The following ITPKB variants were observed in gnomAD, a reference collection of about 807,000 sequenced individuals.
The protein encoded by ITPKB is inositol-trisphosphate 3-kinase B, also known as IP3 3-kinase B.
ITPKB carries 13 observed loss-of-function variants against 69.4 expected under a neutral mutation model. The observed-to-expected ratio is 0.19, with a 90% CI of 0.12 to 0.30. ITPKB has a LOEUF of 0.30. Ranked by LOEUF, ITPKB falls within the 10% of genes least tolerant of loss-of-function variation. The pLI is 1.00. For synonymous variants in ITPKB, 584 were observed against 513.7 expected, an observed-to-expected ratio of 1.14 and a Z score of -1.85; for missense variants, 1,240 against 1,250.5, an observed-to-expected ratio of 0.99 and a Z score of 0.13.
intron 2 of ITPKB, among the ~76,000 whole-genome samples, chr1:226,649,321 G>A (rs1571839091): frequency 6.6e-6 from 1 of 150,842 alleles, no homozygotes; most frequent in East Asian, 2.0e-4. Context: ...GCATATGTGT[G>A]CATGAGTGTG....
rs1657284353 is a variant in ITPKB at position 226,722,832 on chromosome 1, T to C, written c.1932+12695A>G. On this transcript the variant is annotated intron_variant, in intron 2 of 7. Transcript: ENST00000429204. ...CTGCACATTCAGAGCCTGGAAGCTCTGTACAGATGCCTAATGGGTCCTGGG... is the reference window on the plus strand; with the variant it reads ...CTGCACATTCAGAGCCTGGAAGCTCCGTACAGATGCCTAATGGGTCCTGGG... Among the ~76,000 whole-genome samples, 7 of 151,292 alleles carry C rather than the reference T, an allele frequency of 4.6e-5. No individual in the cohort carries two copies. The Admixed American group carries it at 4.6e-4, about 10-fold the overall frequency.
intron 2 of ITPKB, among the ~76,000 whole-genome samples, chr1:226,649,850 AAAC>A (rs1233161910): frequency 6.9e-6 from 1 of 144,274 alleles, no homozygotes; most frequent in Non-Finnish European, 1.5e-5. Flanking sequence ...CAAAACAAAA[AAAC>A]AAAAAAAAAA....
intron 2 of ITPKB, among the ~76,000 whole-genome samples, chr1:226,688,209 C>T (rs1168198259): frequency 2.0e-5 from 3 of 152,212 alleles, no homozygotes; most frequent in Non-Finnish European, 4.4e-5. Flanking sequence ...GAGATCCCTG[C>T]AGCCCTGGAG....
chr1:226,706,321 C>T (rs1010463336), intron 2 of ITPKB, among the ~76,000 whole-genome samples: 2 of 152,314 alleles, frequency 1.3e-5, no homozygotes, highest in South Asian at 4.1e-4. Flanking sequence ...TGGTTTCCTC[C>T]AAGTTAAGTA....
chr1:226,731,475 C>A (rs1017125675), intron 2 of ITPKB, among the ~76,000 whole-genome samples: 2 of 152,188 alleles, frequency 1.3e-5, no homozygotes, highest in Admixed American at 6.5e-5. Flanking sequence ...GAAACCCACA[C>A]CTAAGAAGTC....
intron 2 of ITPKB, among the ~76,000 whole-genome samples, chr1:226,671,126 G>T: frequency 6.6e-6 from 1 of 152,182 alleles, no homozygotes; most frequent in South Asian, 2.1e-4. Flanking sequence ...ACTGAAAACT[G>T]TTCCCTGAAT....
chr1:226,673,546 C>T (rs1365325318), intron 2 of ITPKB, among the ~76,000 whole-genome samples: 1 of 152,150 alleles, frequency 6.6e-6, no homozygotes, highest in Admixed American at 6.5e-5. Flanking sequence ...TCCCAACCTG[C>T]AGCCAAAAAG....
In ITPKB at chr1:226,735,293, T is replaced by C. The variant is rs563062565; in HGVS notation, c.1932+234A>G. On this transcript the variant is annotated intron_variant, in intron 2 of 7. Transcript: ENST00000429204. ...CTTTTAAAACTTGTTTTTTAAGATA[T>C]GCATGGAAATAGTAGAAAGACTCAG... Among the ~76,000 whole-genome samples the C allele has an allele frequency of 1.8e-3, 272 of 152,328 alleles. 1 individual carries two copies. Among genetic ancestry groups the C allele is most frequent in the Non-Finnish European group, 3.3e-3 (222 of 68,030 alleles).
chr1:226,703,594 C>T (rs1295708376), intron 2 of ITPKB, among the ~76,000 whole-genome samples: 1 of 152,204 alleles, frequency 6.6e-6, no homozygotes, highest in Non-Finnish European at 1.5e-5. Flanking sequence ...CCGGCATGCT[C>T]GGCGGCGGTG....
chr1:226,696,698 G>A (rs897961221), intron 2 of ITPKB, among the ~76,000 whole-genome samples: 7 of 152,114 alleles, frequency 4.6e-5, no homozygotes, highest in African/African-American at 1.7e-4. Context: ...ATACGCACAC[G>A]CGCACACACA....
Position 226,634,713 on chromosome 1 carries a change from G to C in ITPKB, c.2799C>G (p.Val933=). 1 of 970,618 alleles carries C rather than the reference G, an allele frequency of 1.0e-6. No individual in the cohort carries two copies. Among genetic ancestry groups the C allele is most frequent in the Non-Finnish European group, 1.7e-6 (1 of 592,132 alleles). 60.1% of individuals were successfully genotyped at this position (970,618 alleles called of 1,614,324 possible). A position where few individuals can be genotyped will look rare whatever the true frequency, so the allele number is the denominator to read the frequency against. The change falls in exon 8 of 8, where the codon GTC becomes GTG. Residue 933 remains valine (V), a synonymous_variant. Transcript: ENST00000429204. This position sits in a 1 kb window ranked among gnomAD's most constrained non-coding sequence, Gnocchi z 6.3. The part of the protein sequence containing the change: ...DGYLSGLNNL[V]DILTEMSQDA... ...CCTGGGACATCTCGGTCAGGATGTCGACGAGGTTATTGAGCCCCGAGAGGT... is the reference window on the plus strand; with the variant it reads ...CCTGGGACATCTCGGTCAGGATGTCCACGAGGTTATTGAGCCCCGAGAGGT...
intron 2 of ITPKB, among the ~76,000 whole-genome samples, chr1:226,717,418 A>G (rs904955411): frequency 1.3e-5 from 2 of 152,144 alleles, no homozygotes; most frequent in African/African-American, 2.4e-5. Flanking sequence ...CAGCATGACT[A>G]TGTTGCAAAA....
intron 1 of ITPKB, 40 bp downstream of exon 1, chr1:226,739,001 T>C (rs1446260040): frequency 1.3e-5 from 2 of 152,206 alleles, no homozygotes; most frequent in African/African-American, 4.8e-5. Context: ...AAAAGAGGGT[T>C]GTTCAGAGGC....
At chr1:226,660,639 C>A (rs1214597233) in intron 2 of ITPKB, among the ~76,000 whole-genome samples, 1 of 151,574 alleles carries the variant, frequency 6.6e-6, no homozygotes, top group Admixed American at 6.6e-5. Context: ...TGAACAGAGG[C>A]CTCGCAGAGC....
At chr1:226,665,056 A>T (rs1422520612) in intron 2 of ITPKB, among the ~76,000 whole-genome samples, 1 of 152,152 alleles carries the variant, frequency 6.6e-6, no homozygotes, top group Non-Finnish European at 1.5e-5. Context: ...GTTTGGCTAC[A>T]TTTTTTTTCT....
At chr1:226,682,045 T>C (rs963296285) in intron 2 of ITPKB, among the ~76,000 whole-genome samples, 1 of 152,182 alleles carries the variant, frequency 6.6e-6, no homozygotes, top group Non-Finnish European at 1.5e-5. Context: ...TGCCACCATC[T>C]CATCTCCAGT....
intron 4 of ITPKB, among the ~76,000 whole-genome samples, chr1:226,643,457 C>A (rs772122591): frequency 6.6e-6 from 1 of 152,154 alleles, no homozygotes; most frequent in Non-Finnish European, 1.5e-5. Context: ...CCTGTGTGGG[C>A]GGGAGCTGCC....
intron 4 of ITPKB, among the ~76,000 whole-genome samples, chr1:226,645,109 C>G (rs1445528676): frequency 6.6e-6 from 1 of 152,216 alleles, no homozygotes; most frequent in East Asian, 1.9e-4. Context: ...CCTGCTTACA[C>G]TGGAACATGA....
chr1:226,652,059 A>G (rs1669205535), intron 2 of ITPKB, among the ~76,000 whole-genome samples: 1 of 152,260 alleles, frequency 6.6e-6, no homozygotes. Flanking sequence ...TGCCAGCAGC[A>G]GCACACAGGG....
Sources: gnomAD v4.1 joint callset for allele counts (sites outside exome capture counted in the v4.1 genomes callset) on GRCh38, gnomAD v4.1.1 for gene constraint, Gnocchi (gnomAD v3.1) non-coding constraint, MANE v1.5 for transcripts, NCBI Gene and HGNC (gene_info 2026-07-23, HGNC 2026-07-21) for gene names.